The following ID3 variants were observed in gnomAD, a reference collection of about 807,000 sequenced individuals.
ID3 encodes the protein inhibitor of DNA binding 3, also known as DNA-binding protein inhibitor ID-3.
In ID3, 4 loss-of-function variants were observed where a neutral mutation model predicts 9.6. That is an observed-to-expected ratio of 0.42 (90% CI 0.21 to 0.96). The LOEUF (loss-of-function observed/expected upper bound fraction) is 0.96. Among genes scored for constraint, ID3 ranks in the 40% least tolerant of loss-of-function variants. The probability of loss-of-function intolerance (pLI) is 0.30; values close to 1 mark genes in which losing one functional copy is unlikely to be tolerated. For missense variants in ID3, 191 were observed against 164.5 expected (o/e 1.16, Z -0.88); for synonymous variants, 108 against 75.2 (o/e 1.44, Z -2.26).
rs374832666 is a variant in ID3, at chr1:23,559,388, C to T, written c.39G>A (p.Ala13=). ...GACTGCGTTCCGACAGGCAGCACAC[C>T]GCCTCGTAGCAGCCGCGCACCGGGC... ...ALSPVRGCYE[A]VCCLSERSLA... is the part of the protein sequence containing the mutation. The change falls in exon 1 of 3, where the codon GCG becomes GCA. Residue 13 remains alanine, a synonymous_variant. Transcript: ENST00000374561. The T allele has an allele frequency of 1.6e-4, 253 of 1,612,618 alleles. No individual in the cohort carries two copies. Among genetic ancestry groups the T allele is most frequent in the Non-Finnish European group, 2.0e-4 (232 of 1,179,758 alleles).
Position 23,559,492 on chromosome 1 carries a change from C to A in ID3, c.-66G>T, listed in dbSNP as rs1371418378. 5 of 1,514,588 alleles carry A rather than the reference C, an allele frequency of 3.3e-6. No homozygotes were observed. In the African/African-American group the frequency reaches 6.9e-5, roughly 21 times the overall value. The allele number at this position is 1,514,588 out of a possible 1,614,324, so 93.8% of individuals were successfully genotyped here. A position where few individuals can be genotyped will look rare whatever the true frequency, so the allele number is the denominator to read the frequency against. On this transcript the variant is annotated 5_prime_UTR_variant, in exon 1 of 3. Coordinates refer to ENST00000374561, the MANE Select transcript of ID3 (RefSeq NM_002167.5). ...ACCAAAAGAAGTCCCGCTACAGTGA[C>A]CTGCAACGCGCGCACGCTCGCCGCG... is the stretch of plus-strand genomic sequence containing the variant.
In ID3 at chr1:23,558,165, C is replaced by T. The variant is rs1384513684; in HGVS notation, c.*276G>A. 6.5e-6 allele frequency: 1 copy of T among 152,730 alleles called. No individual in the cohort carries two copies. Among genetic ancestry groups the T allele is most frequent in the African/African-American group, 2.4e-5 (1 of 41,438 alleles). The allele number at this position is 152,730 out of a possible 1,614,324, so 9.5% of individuals were successfully genotyped here. ...GCCACTCCTTCCACACCTCCACGCT[C>T]TGAAGAGACCTTAGAACTTGGGGGT... On this transcript the variant is annotated 3_prime_UTR_variant, in exon 3 of 3. Coordinates refer to ENST00000374561, the MANE Select transcript of ID3 (RefSeq NM_002167.5).
At chr1:23,558,885 C>G (rs1218921814) in intron 2 of ID3, 50 bp downstream of exon 2, 3 of 1,322,102 alleles carry the variant, frequency 2.3e-6, no homozygotes, top group East Asian at 2.4e-5. Context: ...CGTCTGCCAA[C>G]TCCAGGACTT....
In ID3 at chr1:23,559,112, G is replaced by C. The variant is rs1643685620; in HGVS notation, c.300+15C>G. ...TTGCCTGGGTGTTCAGCCCTGTCCC[G>C]ACTTCGAGGCTTACCTGGATGGGAA... is the stretch of plus-strand genomic sequence containing the variant. On this transcript the variant is annotated intron_variant, in intron 1 of 2. Coordinates refer to ENST00000374561, the MANE Select transcript of ID3 (RefSeq NM_002167.5). The C allele has an allele frequency of 6.2e-7, 1 of 1,613,184 alleles. No individual in the cohort carries two copies. The highest frequency in any genetic ancestry group is 8.5e-7 in the Non-Finnish European group (1 of 1,179,306).
In ID3 at chr1:23,558,570, C is replaced by T. The variant is rs1643677436; in HGVS notation, c.*26-155G>A. 4 of 187,710 alleles carry T rather than the reference C, an allele frequency of 2.1e-5. No individual in the cohort carries two copies. The Admixed American group carries it at 2.2e-4, about 10-fold the overall frequency. 11.6% of individuals were successfully genotyped at this position (187,710 alleles called of 1,614,324 possible). A position where few individuals can be genotyped will look rare whatever the true frequency, so the allele number is the denominator to read the frequency against. ...CCCCACGCTGCCCCCACCCAGTTGG[C>T]GCCAAAGACCACAGGCGGAGCTTGC... On this transcript the variant is annotated intron_variant, in intron 2 of 2. Coordinates refer to ENST00000374561, the MANE Select transcript of ID3 (RefSeq NM_002167.5).
At chr1:23,558,550 C>G (rs775114318) in intron 2 of ID3, 135 bp from the exon 3 acceptor site, 4 of 179,240 alleles carry the variant, frequency 2.2e-5, no homozygotes, top group Non-Finnish European at 4.8e-5. Context: ...CCGCGCCCCA[C>G]GCTGCCCCCA....
rs2920 is a variant in ID3 at position 23,558,289 on chromosome 1, T to C, written c.*152A>G. 0.2 allele frequency: 30,334 copies of C among 152,462 alleles called. 3,094 individuals are homozygous for C. Among genetic ancestry groups the C allele is most frequent in the African/African-American group, 0.21 (8,783 of 41,492 alleles). 9.4% of individuals were successfully genotyped at this position (152,462 alleles called of 1,614,324 possible). A position where few individuals can be genotyped will look rare whatever the true frequency, so the allele number is the denominator to read the frequency against. Reference sequence around the variant, plus strand: ...GTCCTTCGCTCCTGAGCACCAGGTTTAGTCTCCAGGAAGGGATTTGGTGAA... The same window carrying C: ...GTCCTTCGCTCCTGAGCACCAGGTTCAGTCTCCAGGAAGGGATTTGGTGAA... On this transcript the variant is annotated 3_prime_UTR_variant, in exon 3 of 3. Transcript: ENST00000374561.
chr1:23,558,818 A>C (rs1643680445), intron 2 of ID3, 117 bp downstream of exon 2: 2 of 668,212 alleles, frequency 3.0e-6, no homozygotes, highest in Non-Finnish European at 5.3e-6. Context: ...TGGGCAAGTC[A>C]CTTGTCCCTC....
chr1:23,559,480 C>G lies in ID3; in HGVS notation c.-54G>C. 1 of 1,561,472 alleles carries G rather than the reference C, an allele frequency of 6.4e-7. No individual in the cohort carries two copies. Among genetic ancestry groups the G allele is most frequent in the South Asian group, 1.2e-5 (1 of 85,312 alleles). On this transcript the variant is annotated 5_prime_UTR_variant, in exon 1 of 3. Coordinates refer to ENST00000374561, the MANE Select transcript of ID3 (RefSeq NM_002167.5). ...AAGAGAAAGAAAACCAAAAGAAGTCCCGCTACAGTGACCTGCAACGCGCGC... is the reference window on the plus strand; with the variant it reads ...AAGAGAAAGAAAACCAAAAGAAGTCGCGCTACAGTGACCTGCAACGCGCGC...
rs765414579 is a variant in ID3, at chr1:23,559,350, C to G, written c.77G>C (p.Arg26Pro). 4.3e-6 allele frequency: 7 copies of G among 1,613,424 alleles called. No individual in the cohort carries two copies. The highest frequency in any genetic ancestry group is 1.1e-5 in the South Asian group (1 of 91,084). ...CLSERSLAIA[R>P]GRGKGPAAEE... ...AGCTGCCGGGCCCTTCCCTCGGCCC[C>G]GGGCGATGGCCAGACTGCGTTCCGA... The change falls in exon 1 of 3, where the codon CGG becomes CCG. Residue 26 changes from arginine (R) to proline (P), a missense_variant. Physicochemically the swap from Arg to Pro is moderately radical, Grantham distance 103. Transcript: ENST00000374561.
At chr1:23,558,688 T>C in intron 2 of ID3, 2 of 506,808 alleles carry the variant, frequency 3.9e-6, no homozygotes, top group Non-Finnish European at 3.6e-6. Context: ...TTGTATTTAG[T>C]CGGACCCATG....
rs1263487561 is a variant in ID3 at position 23,557,970 on chromosome 1, T to C, written c.*471A>G. On this transcript the variant is annotated 3_prime_UTR_variant, in exon 3 of 3. Transcript: ENST00000374561. The stretch of plus-strand genomic sequence containing the variant: ...CGTTTATTATGCAAAATGTTAACTT[T>C]TATAAAAAGTTTAATATACATCGCA... 1 of 152,638 alleles carries C rather than the reference T, an allele frequency of 6.6e-6. No individual in the cohort carries two copies. The highest frequency in any genetic ancestry group is 2.4e-5 in the African/African-American group (1 of 41,434). The allele number at this position is 152,638 out of a possible 1,614,324, so 9.5% of individuals were successfully genotyped here. A position where few individuals can be genotyped will look rare whatever the true frequency, so the allele number is the denominator to read the frequency against.
Position 23,559,163 on chromosome 1 carries a change from G to C in ID3, c.264C>G (p.Ala88=), listed in dbSNP as rs781698505. 2.2e-5 allele frequency: 35 copies of C among 1,614,072 alleles called. No individual in the cohort carries two copies. Among genetic ancestry groups the C allele is most frequent in the Non-Finnish European group, 3.0e-5 (35 of 1,180,046 alleles). Residue 88 remains alanine (A), a synonymous_variant, in exon 1 of 3, where the codon GCC becomes GCG. Transcript: ENST00000374561. ...GGTGGGGGCCATCAGGGGGTCCAGGGGCTGGCTCGGCCAGGACTACCTGCA... is the reference window on the plus strand; with the variant it reads ...GGTGGGGGCCATCAGGGGGTCCAGGCGCTGGCTCGGCCAGGACTACCTGCA... ...LDLQVVLAEP[A]PGPPDGPHLP... is the part of the protein sequence containing the mutation.
chr1:23,558,645 G>A (rs1177821448), intron 2 of ID3: 4 of 311,942 alleles, frequency 1.3e-5, no homozygotes, highest in Non-Finnish European at 2.4e-5. Flanking sequence ...GGCTGCCGAA[G>A]ACAGCTCCCT....
Position 23,559,211 on chromosome 1 carries a change from G to A in ID3, c.216C>T (p.Arg72=), listed in dbSNP as rs11542319. 96 of 1,614,100 alleles carry A rather than the reference G, an allele frequency of 5.9e-5. No homozygotes were observed. The South Asian group carries it at 8.9e-4, about 15-fold the overall frequency. Residue 72 remains arginine, a synonymous_variant, in exon 1 of 3, where the codon CGC becomes CGT. Coordinates refer to ENST00000374561, the MANE Select transcript of ID3 (RefSeq NM_002167.5). ...GCAGGTCGAGAATGTAGTCGATGAC[G>A]CGCTGTAGGATTTCCACCTGGCTAA... The part of the protein sequence containing the change: ...TQLSQVEILQ[R]VIDYILDLQV...
chr1:23,559,446 G>C lies in ID3; in HGVS notation c.-20C>G. The C allele has an allele frequency of 6.2e-7, 1 of 1,602,966 alleles. No homozygotes were observed. The highest frequency in any genetic ancestry group is 8.5e-7 in the Non-Finnish European group (1 of 1,173,774). ...CTTCATGCTGGGGAGTGAGTCCAGA[G>C]GTGCCCCAAAGAGAAAGAAAACCAA... On this transcript the variant is annotated 5_prime_UTR_variant, in exon 1 of 3. Coordinates refer to ENST00000374561, the MANE Select transcript of ID3 (RefSeq NM_002167.5).
At position 23,558,947 on chromosome 1, in the gene ID3, G is replaced by C; in HGVS notation, c.*13C>G. The C allele has an allele frequency of 3.7e-6, 6 of 1,612,376 alleles. No homozygotes were observed. The highest frequency in any genetic ancestry group is 5.1e-6 in the Non-Finnish European group (6 of 1,178,674). On this transcript the variant is annotated 3_prime_UTR_variant, in exon 2 of 3. Coordinates refer to ENST00000374561, the MANE Select transcript of ID3 (RefSeq NM_002167.5). Reference sequence around the variant, plus strand: ...AGGAGATACTCACCTGGAGGTGTCAGGACACGGCCGAGTCAGTGGCAAAAG... The same window carrying C: ...AGGAGATACTCACCTGGAGGTGTCACGACACGGCCGAGTCAGTGGCAAAAG...
Position 23,559,421 on chromosome 1 carries a change from C to T in ID3, c.6G>A (p.Lys2=), listed in dbSNP as rs146156581. 2,955 of 1,611,982 alleles carry T rather than the reference C, an allele frequency of 1.8e-3. 8 individuals are homozygous for T. The highest frequency in any genetic ancestry group is 9.6e-3 in the Middle Eastern group (58 of 6,048). ...AGCAGCCGCGCACCGGGCTCAGCGC[C>T]TTCATGCTGGGGAGTGAGTCCAGAG... M[K]ALSPVRGCYE... The change falls in exon 1 of 3, where the codon AAG becomes AAA. Residue 2 remains lysine, a synonymous_variant. Transcript: ENST00000374561.
chr1:23,558,747 C>CATTTAA, intron 2 of ID3, 188 bp downstream of exon 2: 1 of 586,230 alleles, frequency 1.7e-6, no homozygotes, highest in Non-Finnish European at 3.1e-6. Flanking sequence ...GGCCCAGGCG[C>CATTTAA]ATTTAAGGCT....
Sources: allele counts gnomAD v4.1 joint callset, GRCh38; gene constraint gnomAD v4.1.1; transcripts MANE v1.5; gene names NCBI Gene and HGNC (gene_info 2026-07-23, HGNC 2026-07-21).